Variants in TTN observed in about 807,000 individuals in gnomAD.
The protein encoded by TTN is titin, also known as connectin.
TTN carries 1,525 observed loss-of-function variants against 3,223.0 expected under a neutral mutation model. The observed-to-expected ratio is 0.47, with a 90% CI of 0.45 to 0.49. TTN has a LOEUF of 0.49. TTN is among the 20% of genes least tolerant of loss of function. The pLI is 0.00. For synonymous variants in TTN, 14,094 were observed against 15,161.0 expected (o/e 0.93, Z 5.17); for missense variants, 40,786 against 43,424.0 (o/e 0.94, Z 5.40).
At chr2:178,803,953 A>G (rs965866102) in intron 2 of TTN, among the ~76,000 whole-genome samples, 1 of 152,246 alleles carries the variant, frequency 6.6e-6, no homozygotes, top group Non-Finnish European at 1.5e-5. Context: ...TTTTAAATAG[A>G]GACACCCGAG....
chr2:178,778,087 C>T (rs552226232), intron 24 of TTN, 112 bp from the exon 25 acceptor site: 123 of 1,399,072 alleles, frequency 8.8e-5, no homozygotes, highest in East Asian at 2.5e-4. Flanking sequence ...ACTTCTTGCA[C>T]GTATTAGAAG....
intron 99 of TTN, 27 bp from the exon 100 acceptor site, chr2:178,707,840 G>T (rs554785057): frequency 6.5e-7 from 1 of 1,536,796 alleles, no homozygotes. Context: ...ATTTTCATGA[G>T]GAACATAAAG....
intron 78 of TTN, among the ~76,000 whole-genome samples, chr2:178,721,587 G>T (rs1372355761): frequency 1.3e-5 from 2 of 151,830 alleles, no homozygotes; most frequent in African/African-American, 4.8e-5. Flanking sequence ...TTAAAAAATG[G>T]ACTAGATAGT....
At position 178,563,644 on chromosome 2, in the gene TTN, G is replaced by A. The variant is rs373909196; in HGVS notation, c.82488C>T (p.Asp27496=). 61 of 1,613,528 alleles carry A rather than the reference G, an allele frequency of 3.8e-5. No homozygotes were observed. The Admixed American group carries it at 4.2e-4, about 11-fold the overall frequency. The change falls in exon 326 of 363, where the codon GAC becomes GAT. Residue 27496 remains aspartate (D), a synonymous_variant. Coordinates refer to ENST00000589042, the MANE Select transcript of TTN (RefSeq NM_001267550.2). The surrounding 1 kb of genome is among the most constrained non-coding windows in gnomAD (Gnocchi z 4.5). ...TGTAGCCCTCAATTTCGGTACCTCC[G>A]TCGTCTACTGGGCGTGCCCATGTTA... ...MVVTWARPVD[D]GGTEIEGYIL... is the part of the protein sequence containing the mutation.
In TTN at chr2:178,631,289, A is replaced by G. The variant is rs774085986; in HGVS notation, c.43759T>C (p.Tyr14587His). The G allele has an allele frequency of 8.7e-6, 14 of 1,608,268 alleles. No individual in the cohort carries two copies. Among genetic ancestry groups the G allele is most frequent in the Admixed American group, 1.7e-5 (1 of 59,624 alleles). Residue 14587 changes from tyrosine (Y) to histidine (H), a missense_variant, in exon 237 of 363, where the codon TAT becomes CAT. Transcript: ENST00000589042. Reference sequence around the variant, plus strand: ...TAATCTTGAAGTTTTCCTGTAAAATATGGGTCTCCCTCTGCAAGTAAAGTA... The same window carrying G: ...TAATCTTGAAGTTTTCCTGTAAAATGTGGGTCTCCCTCTGCAAGTAAAGTA... ...AKLTVLEGDP[Y>H]FTGKLQDYTG...
chr2:178,745,649 T>C lies in TTN; in HGVS notation c.11312-3728A>G, dbSNP rs761724904. ...TGATTTGTTTGTAGCTACACACCTA[T>C]ACTCTCCTTCATCACTCTTTACTAA... On this transcript the variant is annotated intron_variant, in intron 47 of 362. Coordinates refer to ENST00000589042, the MANE Select transcript of TTN (RefSeq NM_001267550.2). 3.5e-5 allele frequency: 56 copies of C among 1,612,626 alleles called. No individual in the cohort carries two copies. The Admixed American group carries it at 9.4e-4, about 27-fold the overall frequency.
chr2:178,663,782 A>T, intron 170 of TTN, 37 bp downstream of exon 170: 1 of 1,611,788 alleles, frequency 6.2e-7, no homozygotes. Context: ...CAAGAGCAAA[A>T]GAATGAGATC....
At position 178,734,370 on chromosome 2, in the gene TTN, C is replaced by T; in HGVS notation, c.15454G>A (p.Glu5152Lys). 1 of 1,608,672 alleles carries T rather than the reference C, an allele frequency of 6.2e-7. No individual in the cohort carries two copies. Among genetic ancestry groups the T allele is most frequent in the South Asian group, 1.1e-5 (1 of 90,370 alleles). ...GCCATGCAGCCACACTTGCCGACTTCATTAGCAACAACACATTCATATTCA... is the reference window on the plus strand; with the variant it reads ...GCCATGCAGCCACACTTGCCGACTTTATTAGCAACAACACATTCATATTCA... ...VGEYECVVAN[E>K]VGKCGCMATH... Residue 5152 changes from glutamate to lysine, a missense_variant, in exon 52 of 363, where the codon GAA (glutamate) becomes AAA (lysine). Transcript: ENST00000589042.
intron 111 of TTN, among the ~76,000 whole-genome samples, chr2:178,699,383 C>T (rs1328216782): frequency 1.2e-3 from 53 of 44,906 alleles, no homozygotes; most frequent in Admixed American, 0.011. Context: ...AAATAACACT[C>T]TTTTTTTTTT....
chr2:178,710,549 G>A, intron 98 of TTN, 86 bp downstream of exon 98: 4 of 1,423,188 alleles, frequency 2.8e-6, no homozygotes, highest in Non-Finnish European at 2.8e-6. Context: ...GTCCTAAATT[G>A]CATTCATCAT....
intron 265 of TTN, 87 bp from the exon 266 acceptor site, chr2:178,612,663 A>G (rs2056556673): frequency 6.5e-7 from 1 of 1,539,142 alleles, no homozygotes; most frequent in Non-Finnish European, 8.7e-7. Flanking sequence ...TTAAGAAGTA[A>G]TGTAGCCAGG....
intron 34 of TTN, 148 bp downstream of exon 34, chr2:178,771,063 A>C: frequency 7.8e-7 from 1 of 1,285,764 alleles, no homozygotes; most frequent in Non-Finnish European, 1.1e-6. Context: ...ACCTTGTGGA[A>C]TGTGTCTCAG....
Position 178,562,224 on chromosome 2 carries a change from G to A in TTN, c.83908C>T (p.His27970Tyr). ...TCTCTAGCCTTTACATTGAAAGTAT[G>A]GAAAGGAAGCTCAACTGAAGGCTTT... ...EIKPSVELPF[H>Y]TFNVKAREQL... Residue 27970 changes from histidine (H) to tyrosine (Y), a missense_variant, in exon 326 of 363, where the codon CAT becomes TAT. Coordinates refer to ENST00000589042, the MANE Select transcript of TTN (RefSeq NM_001267550.2). 6.2e-7 allele frequency: 1 copy of A among 1,612,530 alleles called. No individual in the cohort carries two copies. Among genetic ancestry groups the A allele is most frequent in the Non-Finnish European group, 8.5e-7 (1 of 1,179,360 alleles).
In TTN at chr2:178,704,512, A is replaced by G. The variant is rs376644553; in HGVS notation, c.29960T>C (p.Ile9987Thr). The G allele has an allele frequency of 1.1e-5, 18 of 1,603,378 alleles. No homozygotes were observed. Among genetic ancestry groups the G allele is most frequent in the Non-Finnish European group, 1.5e-5 (18 of 1,174,218 alleles). ...PHIASAKLTV[I>T]EPAWERHLQD... is the part of the protein sequence containing the mutation. ...TTCATAAGCCTTTTCTAACTTACCA[A>G]TTACAGTTAGTTTAGCGCTAGCGAT... The change falls in exon 105 of 363, where the codon ATT becomes ACT. Residue 9987 changes from isoleucine (I) to threonine (T), a missense_variant and splice_region_variant. Ile to Thr is a moderately conservative substitution (Grantham distance 89, BLOSUM62 -1). Coordinates refer to ENST00000589042, the MANE Select transcript of TTN (RefSeq NM_001267550.2).
Position 178,667,443 on chromosome 2 carries a change from T to C in TTN, c.35712A>G (p.Lys11904=), listed in dbSNP as rs760406975. 3.1e-6 allele frequency: 5 copies of C among 1,599,674 alleles called. No individual in the cohort carries two copies. The highest frequency in any genetic ancestry group is 4.3e-6 in the Non-Finnish European group (5 of 1,174,754). ...GGGTTTGATGTATTTGAAATATACC[T>C]TTAGTTGCTGGTGTTTCTCTCTTTT... ...IPKKRETPAT[K]EPDTTRGIFP... Residue 11904 remains lysine (K), a splice_region_variant and synonymous_variant, in exon 161 of 363, where the codon AAA becomes AAG. Coordinates refer to ENST00000589042, the MANE Select transcript of TTN (RefSeq NM_001267550.2).
In TTN at chr2:178,641,229, T is replaced by G; in HGVS notation, c.40633+12A>C. 6.7e-7 allele frequency: 1 copy of G among 1,488,302 alleles called. No individual in the cohort carries two copies. The highest frequency in any genetic ancestry group is 9.0e-7 in the Non-Finnish European group (1 of 1,107,820). 92.2% of individuals were successfully genotyped at this position (1,488,302 alleles called of 1,614,324 possible). On this transcript the variant is annotated intron_variant, in intron 220 of 362. Coordinates refer to ENST00000589042, the MANE Select transcript of TTN (RefSeq NM_001267550.2). Reference sequence around the variant, plus strand: ...AAAAGATAATCTTACAAATTGTCACTGAGATTCCTACCTGCAGGTTTTTTA... The same window carrying G: ...AAAAGATAATCTTACAAATTGTCACGGAGATTCCTACCTGCAGGTTTTTTA...
chr2:178,693,599 T>C lies in TTN; in HGVS notation c.31594+10A>G, dbSNP rs2072992630. The C allele has an allele frequency of 1.9e-6, 3 of 1,542,930 alleles. No homozygotes were observed. In the African/African-American group the frequency reaches 4.2e-5, roughly 21 times the overall value. ...TAAAAGAGTTTAAACTTAGAATGAA[T>C]TACTAATACCTTTAGGTGGTGGTTC... On this transcript the variant is annotated intron_variant, in intron 119 of 362. Coordinates refer to ENST00000589042, the MANE Select transcript of TTN (RefSeq NM_001267550.2).
At chr2:178,633,075 A>C in intron 233 of TTN, 31 bp from the exon 234 acceptor site, 2 of 1,606,946 alleles carry the variant, frequency 1.2e-6, no homozygotes, top group Non-Finnish European at 1.7e-6. Flanking sequence ...AAGGAAAGAA[A>C]GAACATCATT....
Position 178,672,565 on chromosome 2 carries a change from A to G in TTN, c.34855+70T>C, listed in dbSNP as rs2067195763. The G allele has an allele frequency of 3.7e-6, 6 of 1,600,742 alleles. No individual in the cohort carries two copies. In the East Asian group the frequency reaches 1.3e-4, roughly 36 times the overall value. ...ATCATCAAAAACAATCAAGACACAG[A>G]GACATGAAACATAAAAGTCTTAACG... On this transcript the variant is annotated intron_variant, in intron 153 of 362. Coordinates refer to ENST00000589042, the MANE Select transcript of TTN (RefSeq NM_001267550.2).
Sources: gnomAD v4.1 joint callset for allele counts (sites outside exome capture counted in the v4.1 genomes callset) on GRCh38, gnomAD v4.1.1 for gene constraint, Gnocchi (gnomAD v3.1) non-coding constraint, MANE v1.5 for transcripts, NCBI Gene and HGNC (gene_info 2026-07-23, HGNC 2026-07-21) for gene names.